COG6: variants seen among roughly 807,000 people sequenced by gnomAD.
COG6 encodes component of oligomeric golgi complex 6.
In COG6, 74 loss-of-function variants were observed where a neutral mutation model predicts 88.8. The ratio of observed to expected loss-of-function variants is 0.83; its 90% CI spans 0.69 to 1.01. COG6 has a LOEUF of 1.01. COG6 is among the 50% of genes least tolerant of loss of function. The pLI is 0.00. For synonymous variants in COG6, 286 were observed against 278.7 expected (o/e 1.03, Z -0.26); for missense variants, 800 against 797.9 (o/e 1.00, Z -0.03).
chr13:39,748,076 A>G (rs550638436), intron 18 of COG6, among the ~76,000 whole-genome samples: 34 of 152,300 alleles, frequency 2.2e-4, no homozygotes, highest in African/African-American at 8.2e-4. Flanking sequence ...GGCATGAGTA[A>G]TGAATGCTTT....
At chr13:39,668,780 T>C (rs1875434014) in intron 4 of COG6, among the ~76,000 whole-genome samples, 2 of 144,878 alleles carry the variant, frequency 1.4e-5, no homozygotes, top group African/African-American at 5.1e-5. Flanking sequence ...AGAGCGAGAC[T>C]CCGTCTCAAA....
intron 18 of COG6, among the ~76,000 whole-genome samples, chr13:39,767,640 C>G (rs1476503220): frequency 3.9e-5 from 6 of 152,150 alleles, no homozygotes; most frequent in African/African-American, 1.4e-4. Flanking sequence ...TACAGACTTT[C>G]AGGGAAGGAG....
rs867108653 is a variant in COG6, at chr13:39,664,829, G to A, written c.370-267G>A. Among the ~76,000 whole-genome samples the A allele has an allele frequency of 2.0e-4, 30 of 152,152 alleles. 1 individual carries two copies. Among genetic ancestry groups the A allele is most frequent in the African/African-American group, 5.3e-4 (22 of 41,436 alleles). On this transcript the variant is annotated intron_variant, in intron 3 of 18. Coordinates refer to ENST00000455146, the MANE Select transcript of COG6 (RefSeq NM_020751.3). ...TCCAGTGCTTCTGTTGCACTAAAAA[G>A]CATCATGAACTATTAAGTTCCTTTG...
chr13:39,758,872 A>C (rs866229253), intron 18 of COG6, among the ~76,000 whole-genome samples: 4 of 152,232 alleles, frequency 2.6e-5, no homozygotes, highest in Admixed American at 6.5e-5. Flanking sequence ...ATATCCATAC[A>C]ATGAAATATT....
Position 39,751,665 on chromosome 13 carries a change from T to A in COG6, c.*572T>A. ...TGTATATGGCAGTGAATCTCCTTTC[T>A]GTTCTACTTTAGCATACTATATATA... On this transcript the variant is annotated 3_prime_UTR_variant, in exon 19 of 19. Transcript: ENST00000455146. The A allele has an allele frequency of 7.8e-7, 1 of 1,286,994 alleles. No individual in the cohort carries two copies. Among genetic ancestry groups the A allele is most frequent in the African/African-American group, 1.5e-5 (1 of 65,884 alleles). 79.7% of individuals were successfully genotyped at this position (1,286,994 alleles called of 1,614,324 possible).
intron 4 of COG6, among the ~76,000 whole-genome samples, chr13:39,669,920 A>G (rs1875516046): frequency 6.6e-6 from 1 of 152,152 alleles, no homozygotes; most frequent in Non-Finnish European, 1.5e-5. Context: ...TTATGATAAC[A>G]GGTCTCTGGG....
intron 1 of COG6, among the ~76,000 whole-genome samples, chr13:39,657,683 A>C (rs1404866594): frequency 6.6e-6 from 1 of 152,222 alleles, no homozygotes; most frequent in Non-Finnish European, 1.5e-5. Flanking sequence ...GGGTAAGCCT[A>C]CTAGAATATA....
At chr13:39,761,712 G>A (rs989351598) in intron 18 of COG6, among the ~76,000 whole-genome samples, 13 of 150,472 alleles carry the variant, frequency 8.6e-5, no homozygotes, top group South Asian at 2.1e-4. Flanking sequence ...AAAAATGGGC[G>A]AAAGAGCCAA....
At chr13:39,754,764 CG>C (rs1222080007), downstream of COG6, among the ~76,000 whole-genome samples, 10 of 151,944 alleles carry the variant, frequency 6.6e-5, no homozygotes, top group Admixed American at 6.6e-4. Context: ...ATGTGTTTCC[CG>C]TTGAGGAATT....
At chr13:39,668,258 G>C (rs1244492030) in intron 4 of COG6, among the ~76,000 whole-genome samples, 1 of 151,988 alleles carries the variant, frequency 6.6e-6, no homozygotes, top group African/African-American at 2.4e-5. Flanking sequence ...CTTGATTTGG[G>C]CTCAGGATTC....
In COG6 at chr13:39,751,722, G is replaced by A. The variant is rs1334326037; in HGVS notation, c.*629G>A. On this transcript the variant is annotated 3_prime_UTR_variant, in exon 19 of 19. Coordinates refer to ENST00000455146, the MANE Select transcript of COG6 (RefSeq NM_020751.3). ...TGTGTACATTCTTATGCAATTTTAA[G>A]TATACACTCAGCAATAATTAGAAAA... 3.1e-6 allele frequency: 4 copies of A among 1,286,880 alleles called. No homozygotes were observed. Among genetic ancestry groups the A allele is most frequent in the Admixed American group, 2.3e-5 (1 of 43,536 alleles). 79.7% of individuals were successfully genotyped at this position (1,286,880 alleles called of 1,614,324 possible). A position where few individuals can be genotyped will look rare whatever the true frequency, so the allele number is the denominator to read the frequency against.
At chr13:39,784,719 CAG>C (rs1881723008) in intron 18 of COG6, among the ~76,000 whole-genome samples, 1 of 152,130 alleles carries the variant, frequency 6.6e-6, no homozygotes, top group African/African-American at 2.4e-5. Context: ...GGCCCAGGAA[CAG>C]GGGAGAACAG....
intron 18 of COG6, among the ~76,000 whole-genome samples, chr13:39,730,773 C>CAAAAAAAAAAAA (rs569292449): frequency 4.3e-4 from 17 of 39,466 alleles, no homozygotes; most frequent in Admixed American, 2.5e-3. Context: ...GACTCCATCT[C>CAAAAAAAAAAAA]AAAAAAAAAA....
rs74678241 is a variant in COG6 at position 39,786,707 on chromosome 13, C to T, written c.1827-1628C>T. On this transcript the variant is annotated intron_variant, in intron 18 of 18. Transcript: ENST00000416691. ...TCTGTGATGTGAATTCTATCTAGCC[C>T]TGCTGATTTGAGGTCTCTGGATTCC... Among the ~76,000 whole-genome samples, 353 of 152,220 alleles carry T rather than the reference C, an allele frequency of 2.3e-3. 6 individuals are homozygous for T. The highest frequency in any genetic ancestry group is 8.3e-3 in the African/African-American group (343 of 41,536).
At chr13:39,785,743 A>G (rs1007804455) in intron 18 of COG6, among the ~76,000 whole-genome samples, 5 of 152,222 alleles carry the variant, frequency 3.3e-5, no homozygotes, top group Non-Finnish European at 7.3e-5. Context: ...CAGCTGGAAG[A>G]TTACACCTCA....
chr13:39,714,472 C>T (rs1405299647), intron 13 of COG6, among the ~76,000 whole-genome samples: 4 of 151,822 alleles, frequency 2.6e-5, no homozygotes, highest in Non-Finnish European at 5.9e-5. Flanking sequence ...ATGAGATGAA[C>T]AGCCATTTCT....
chr13:39,685,796 G>A (rs1374359877), intron 8 of COG6, among the ~76,000 whole-genome samples: 2 of 152,112 alleles, frequency 1.3e-5, no homozygotes, highest in African/African-American at 2.4e-5. Context: ...GTTCTAATTT[G>A]TTTAAAAAAT....
chr13:39,778,080 T>C (rs1463544920), intron 18 of COG6, among the ~76,000 whole-genome samples: 1 of 152,240 alleles, frequency 6.6e-6, no homozygotes, highest in Admixed American at 6.5e-5. Context: ...GCAGAAGTTA[T>C]CCTGTCTAAG....
intron 7 of COG6, 48 bp downstream of exon 7, chr13:39,680,093 G>GT: frequency 1.8e-6 from 2 of 1,141,954 alleles, no homozygotes; most frequent in South Asian, 1.4e-5. Context: ...ATTTGTAGTT[G>GT]TTTTTTAAAA....
Sources: allele counts gnomAD v4.1 joint callset (sites outside exome capture counted in the v4.1 genomes callset), GRCh38; gene constraint gnomAD v4.1.1; transcripts MANE v1.5; gene names NCBI Gene and HGNC (gene_info 2026-07-23, HGNC 2026-07-21).